The following PRDM1 variants were observed in gnomAD, a reference collection of about 807,000 sequenced individuals.
PRDM1 encodes the protein PR domain zinc finger protein 1.
PRDM1 carries 13 observed loss-of-function variants against 62.8 expected under a neutral mutation model. The ratio of observed to expected loss-of-function variants is 0.21; its 90% CI spans 0.13 to 0.33. The LOEUF (loss-of-function observed/expected upper bound fraction) is 0.33, where lower values mean the gene tolerates loss of function less well. Among genes scored for constraint, PRDM1 ranks in the 10% least tolerant of loss-of-function variants. The pLI is 1.00. For synonymous variants in PRDM1, 396 were observed against 417.6 expected (o/e 0.95, Z 0.63); for missense variants, 895 against 1,058.8 (o/e 0.85, Z 2.15).
At chr6:106,037,316 A>AT (rs1772935623) in intron 1 of PRDM1, among the ~76,000 whole-genome samples, 1 of 151,928 alleles carries the variant, frequency 6.6e-6, no homozygotes, top group African/African-American at 2.4e-5. Context: ...TTTCTTGATC[A>AT]TTTGTCTTGG....
At position 105,996,276 on chromosome 6, in the gene PRDM1, C is replaced by A. The variant is rs564083784; in HGVS notation, c.-67+2637C>A. Among the ~76,000 whole-genome samples the A allele has an allele frequency of 1.4e-4, 21 of 152,178 alleles. No homozygotes were observed. The South Asian group carries it at 2.9e-3, about 21-fold the overall frequency. On this transcript the variant is annotated intron_variant, in intron 1 of 6. Coordinates refer to the PRDM1 transcript ENST00000652320. ...TACCCTGAAATATAAGCACAAAGATCAAATTATCTATAATTGTCAGATAAA... is the reference window on the plus strand; with the variant it reads ...TACCCTGAAATATAAGCACAAAGATAAAATTATCTATAATTGTCAGATAAA...
At chr6:106,088,046 T>C (rs1006142094) in intron 1 of PRDM1, 155 bp from the exon 2 acceptor site, 26 of 658,534 alleles carry the variant, frequency 3.9e-5, no homozygotes, top group African/African-American at 3.6e-4. Flanking sequence ...CAAGGCAGTT[T>C]ACTTTATACG....
chr6:106,098,648 G>C (rs759369214), intron 3 of PRDM1: 2 of 1,338,658 alleles, frequency 1.5e-6, no homozygotes, highest in Non-Finnish European at 2.0e-6. Flanking sequence ...TCAAATTCGG[G>C]CTGCTGCCCG....
intron 1 of PRDM1, among the ~76,000 whole-genome samples, chr6:106,041,627 G>GT (rs1262028476): frequency 1.3e-5 from 2 of 152,090 alleles, no homozygotes; most frequent in African/African-American, 4.8e-5. Flanking sequence ...GATAGTGGTG[G>GT]TGGTTATATG....
rs759990986 is a variant in PRDM1, at chr6:106,105,754, A to C, written c.1594A>C (p.Lys532Gln). Residue 532 changes from lysine (K) to glutamine (Q), a missense_variant, in exon 5 of 7, where the codon AAA (lysine) becomes CAA (glutamine). Physicochemically the swap from Lys to Gln is moderately conservative, Grantham distance 53. Transcript: ENST00000369096. ...AATAEHVVQP[K>Q]ATSAAMAAPS... is the part of the protein sequence containing the mutation. ...CACGGCAGAACATGTGGTGCAGCCC[A>C]AAGCTACCTCAGCAGCGATGGCAGC... is the stretch of plus-strand genomic sequence containing the variant. The C allele has an allele frequency of 1.6e-4, 251 of 1,614,086 alleles. No homozygotes were observed. The highest frequency in any genetic ancestry group is 2.1e-4 in the Non-Finnish European group (242 of 1,180,046).
At chr6:106,102,133 AT>A (rs1435485689) in intron 4 of PRDM1, among the ~76,000 whole-genome samples, 1 of 152,192 alleles carries the variant, frequency 6.6e-6, no homozygotes, top group African/African-American at 2.4e-5. Flanking sequence ...TGGGGTTCTT[AT>A]TATAGATCGA....
At position 105,994,095 on chromosome 6, in the gene PRDM1, C is replaced by T. The variant is rs577532905; in HGVS notation, c.-67+456C>T. ...CCTGGACAGTCACTCAAAAGCTGCG[C>T]CCAAAGTTTTAAAAAGCGCGGGGAC... On this transcript the variant is annotated intron_variant, in intron 1 of 6. Coordinates refer to the PRDM1 transcript ENST00000652320. This position sits in a 1 kb window ranked among gnomAD's most constrained non-coding sequence, Gnocchi z 4.1. Among the ~76,000 whole-genome samples the T allele has an allele frequency of 1.3e-5, 2 of 152,294 alleles. No homozygotes were observed. The highest frequency in any genetic ancestry group is 2.4e-5 in the African/African-American group (1 of 41,566).
intron 1 of PRDM1, among the ~76,000 whole-genome samples, chr6:106,017,105 T>G (rs920587675): frequency 6.6e-6 from 1 of 152,208 alleles, no homozygotes; most frequent in Non-Finnish European, 1.5e-5. Flanking sequence ...ACTTGTCCAT[T>G]TTTGTGTTTG....
intron 1 of PRDM1, among the ~76,000 whole-genome samples, chr6:106,011,340 T>A (rs915964640): frequency 1.3e-5 from 2 of 152,202 alleles, no homozygotes; most frequent in Admixed American, 6.5e-5. Flanking sequence ...TGATGTTGAC[T>A]GCAGCTATTG....
intron 1 of PRDM1, among the ~76,000 whole-genome samples, chr6:106,060,572 C>T (rs980423018): frequency 3.3e-5 from 5 of 152,042 alleles, no homozygotes; most frequent in African/African-American, 1.2e-4. Flanking sequence ...AAGGATGGAT[C>T]ATAGACTTGA....
intron 4 of PRDM1, among the ~76,000 whole-genome samples, chr6:106,103,196 C>T (rs1774328454): frequency 6.6e-6 from 1 of 152,090 alleles, no homozygotes; most frequent in Admixed American, 6.5e-5. Context: ...CAGGCTCGCC[C>T]AGGAGGAACT....
chr6:106,058,760 C>T (rs1470011018), intron 1 of PRDM1, among the ~76,000 whole-genome samples: 2 of 151,966 alleles, frequency 1.3e-5, no homozygotes, highest in South Asian at 2.1e-4. Context: ...TTAGTAGAGG[C>T]GGTTTCTCCA....
chr6:105,995,811 T>A (rs771871833), intron 1 of PRDM1, among the ~76,000 whole-genome samples: 42 of 152,310 alleles, frequency 2.8e-4, no homozygotes, highest in Admixed American at 5.9e-4. Context: ...CCACAAACTC[T>A]GATCCAAAAT....
chr6:106,099,528 G>C lies in PRDM1; in HGVS notation c.640G>C (p.Gly214Arg), dbSNP rs923492791. Residue 214 changes from glycine to arginine, a missense_variant, in exon 4 of 7, where the codon GGA (glycine) becomes CGA (arginine). Coordinates refer to ENST00000369096, the MANE Select transcript of PRDM1 (RefSeq NM_001198.4). ...AGAAAGGCTTCACTACCCTTATCCCGGAGAGCTGACAATGATGAATCTCAG... is the reference window on the plus strand; with the variant it reads ...AGAAAGGCTTCACTACCCTTATCCCCGAGAGCTGACAATGATGAATCTCAG... The part of the protein sequence containing the change: ...FAERLHYPYP[G>R]ELTMMNLTQT... The C allele has an allele frequency of 1.2e-6, 2 of 1,614,040 alleles. No individual in the cohort carries two copies. Among genetic ancestry groups the C allele is most frequent in the East Asian group, 4.5e-5 (2 of 44,882 alleles).
rs116860965 is a variant in PRDM1 at position 106,062,039 on chromosome 6, A to G, written c.-67+13325A>G. Among the ~76,000 whole-genome samples the G allele has an allele frequency of 7.9e-5, 12 of 152,340 alleles. No homozygotes were observed. In the East Asian group the frequency reaches 2.3e-3, roughly 29 times the overall value. ...CAAGGGTGGGGGAAAAACAGCTGTCAGTGAGGTTGTGAATACATTCATCAG... is the reference window on the plus strand; with the variant it reads ...CAAGGGTGGGGGAAAAACAGCTGTCGGTGAGGTTGTGAATACATTCATCAG... On this transcript the variant is annotated intron_variant, in intron 1 of 6. Transcript: ENST00000651185.
intron 1 of PRDM1, among the ~76,000 whole-genome samples, chr6:106,031,015 AT>A (rs1185282795): frequency 3.4e-5 from 4 of 116,910 alleles, no homozygotes; most frequent in Middle Eastern, 4.5e-3. Flanking sequence ...TTTTTTTCTG[AT>A]TTTTTTTTCT....
chr6:106,038,014 C>CTTTTTTTTTTTTCTTTTTTTTTTTT (rs1772945348), intron 1 of PRDM1, among the ~76,000 whole-genome samples: 1 of 47,802 alleles, frequency 2.1e-5, no homozygotes, highest in Non-Finnish European at 3.5e-5. Context: ...CTATTTTTGT[C>CTTTTTTTTTTTTCTTTTTTTTTTTT]TTTTTTTTTT....
Position 106,107,257 on chromosome 6 carries a change from G to A in PRDM1, c.2249G>A (p.Ser750Asn), listed in dbSNP as rs774500983. ...DRLEDVEDDI[S>N]VISVVEKEIL... The stretch of plus-strand genomic sequence containing the variant: ...CTCGAGGACGTGGAGGATGACATCA[G>A]TGTGATCTCTGTAGTGGAGAAGGAA... The change falls in exon 7 of 7, where the codon AGT becomes AAT. Residue 750 changes from serine to asparagine, a missense_variant. Ser to Asn is a conservative substitution (Grantham distance 46). Transcript: ENST00000369096. The A allele has an allele frequency of 5.0e-6, 8 of 1,614,112 alleles. No homozygotes were observed. The highest frequency in any genetic ancestry group is 3.3e-5 in the South Asian group (3 of 91,088).
At chr6:106,048,425 G>T (rs1773113702), upstream of PRDM1, among the ~76,000 whole-genome samples, 1 of 152,072 alleles carries the variant, frequency 6.6e-6, no homozygotes, top group South Asian at 2.1e-4. Flanking sequence ...CAATATGAGT[G>T]TGTAGTTATG....
Sources: gnomAD v4.1 joint callset for allele counts (sites outside exome capture counted in the v4.1 genomes callset) on GRCh38, gnomAD v4.1.1 for gene constraint, Gnocchi (gnomAD v3.1) non-coding constraint, MANE v1.5 for transcripts, NCBI Gene and HGNC (gene_info 2026-07-23, HGNC 2026-07-21) for gene names.